The following NCOR2 variants were observed in gnomAD, a reference collection of about 807,000 sequenced individuals.
The protein encoded by NCOR2 is CTG repeat protein 26.
NCOR2 carries 81 observed loss-of-function variants against 262.9 expected under a neutral mutation model. The observed-to-expected ratio is 0.31, with a 90% confidence interval of 0.26 to 0.37. NCOR2 has a LOEUF of 0.37. NCOR2 is among the 10% of genes least tolerant of loss of function. NCOR2 has a pLI of 1.00. For missense variants in NCOR2, 3,385 were observed against 3,621.4 expected, an observed-to-expected ratio of 0.93 and a Z score of 1.68; for synonymous variants, 1,659 against 1,559.3, an observed-to-expected ratio of 1.06 and a Z score of -1.51.
At chr12:124,420,833 C>T (rs1398497628) in intron 12 of NCOR2, among the ~76,000 whole-genome samples, 2 of 152,234 alleles carry the variant, frequency 1.3e-5, no homozygotes, top group African/African-American at 4.8e-5. Context: ...ACCCCACCTC[C>T]AATGGGCATT....
At chr12:124,419,014 A>C (rs138358495) in intron 13 of NCOR2, among the ~76,000 whole-genome samples, 1,943 of 152,116 alleles carry the variant, frequency 0.013, 46 homozygotes, top group African/African-American at 0.044. Context: ...AGCAGCTGCC[A>C]GAGTGCCCAC....
intron 7 of NCOR2, among the ~76,000 whole-genome samples, chr12:124,447,828 C>G (rs1399689681): frequency 6.6e-6 from 1 of 152,018 alleles, no homozygotes; most frequent in Non-Finnish European, 1.5e-5. Flanking sequence ...TCCTGAGTAC[C>G]TGGGACCACA....
At chr12:124,462,661 C>T (rs967295209) in intron 5 of NCOR2, among the ~76,000 whole-genome samples, 2 of 152,210 alleles carry the variant, frequency 1.3e-5, no homozygotes, top group Admixed American at 6.5e-5. Context: ...GGCCACAGGA[C>T]GGGGTCTGAA....
intron 24 of NCOR2, chr12:124,355,160 C>T (rs1238372432): frequency 4.9e-6 from 3 of 612,892 alleles, no homozygotes; most frequent in South Asian, 4.0e-5. Flanking sequence ...CCTTCCATTT[C>T]GCAGTGGGGG....
chr12:124,355,170 GA>G (rs1168673324), intron 24 of NCOR2: 6 of 613,130 alleles, frequency 9.8e-6, no homozygotes. Flanking sequence ...CGCAGTGGGG[GA>G]AACAGGAGGT....
chr12:124,345,243 T>C (rs2036819261), intron 31 of NCOR2, among the ~76,000 whole-genome samples: 1 of 152,178 alleles, frequency 6.6e-6, no homozygotes, highest in East Asian at 1.9e-4. Flanking sequence ...GGCTCTCTGA[T>C]GGTCCCTGGA....
intron 8 of NCOR2, 22 bp downstream of exon 10, chr12:124,437,908 G>A (rs779490351): frequency 1.9e-6 from 3 of 1,605,642 alleles, no homozygotes; most frequent in South Asian, 2.2e-5. Flanking sequence ...GAAAGCTGAT[G>A]GGGGCCACGG....
intron 21 of NCOR2, 130 bp from the exon 24 acceptor site, chr12:124,362,427 G>T: frequency 1.2e-6 from 1 of 824,482 alleles, no homozygotes; most frequent in Non-Finnish European, 1.8e-6. Flanking sequence ...AAGGTCCCAG[G>T]TGCGGCAAGA....
At chr12:124,326,083 G>T in intron 46 of NCOR2, 108 bp downstream of exon 48, 2 of 1,253,258 alleles carry the variant, frequency 1.6e-6, no homozygotes, top group Non-Finnish European at 2.1e-6. Flanking sequence ...ACAGGCCCGA[G>T]TCTGAGCTCT....
At chr12:124,329,824 A>G (rs915177118) in intron 44 of NCOR2, among the ~76,000 whole-genome samples, 2 of 152,210 alleles carry the variant, frequency 1.3e-5, no homozygotes, top group East Asian at 3.8e-4. Flanking sequence ...ACACACAGAT[A>G]CACCTGTGTG....
chr12:124,444,656 G>A (rs2045032334), intron 7 of NCOR2, among the ~76,000 whole-genome samples: 1 of 152,120 alleles, frequency 6.6e-6, no homozygotes, highest in South Asian at 2.1e-4. Flanking sequence ...GGGGTGCTCA[G>A]GGAGAGCCTG....
At chr12:124,434,373 G>A (rs900968411) in intron 8 of NCOR2, among the ~76,000 whole-genome samples, 4 of 152,096 alleles carry the variant, frequency 2.6e-5, no homozygotes, top group African/African-American at 9.7e-5. Flanking sequence ...AGCTTCAGGG[G>A]GTGTTGAATT....
intron 1 of NCOR2, among the ~76,000 whole-genome samples, chr12:124,545,349 C>T (rs2051507018): frequency 6.6e-6 from 1 of 152,176 alleles, no homozygotes; most frequent in South Asian, 2.1e-4. Context: ...AACAGAAGCA[C>T]CCAGAGACAA....
chr12:124,500,351 T>C (rs1254165285), intron 1 of NCOR2, among the ~76,000 whole-genome samples: 6 of 151,950 alleles, frequency 3.9e-5, no homozygotes, highest in Non-Finnish European at 5.9e-5. Context: ...TGCCAGGAGG[T>C]AGCAAACACA....
chr12:124,388,064 G>C (rs1178727261), intron 16 of NCOR2, among the ~76,000 whole-genome samples: 1 of 151,836 alleles, frequency 6.6e-6, no homozygotes, highest in Admixed American at 6.5e-5. Context: ...AGTGGGTTGA[G>C]GGCAGAGGAG....
intron 28 of NCOR2, among the ~76,000 whole-genome samples, chr12:124,350,261 A>G (rs1172322734): frequency 6.6e-6 from 1 of 152,022 alleles, no homozygotes; most frequent in African/African-American, 2.4e-5. Flanking sequence ...GGCCAATGAG[A>G]GAGTGCGTGG....
chr12:124,520,810 T>A (rs1227939318), intron 1 of NCOR2, among the ~76,000 whole-genome samples: 1 of 152,040 alleles, frequency 6.6e-6, no homozygotes, highest in Admixed American at 6.5e-5. Context: ...CGAAAAAGCA[T>A]CCCCTGGCCA....
intron 5 of NCOR2, among the ~76,000 whole-genome samples, chr12:124,459,351 G>T (rs1175683248): frequency 6.6e-6 from 1 of 152,034 alleles, no homozygotes; most frequent in Non-Finnish European, 1.5e-5. Flanking sequence ...TGTCTCTCTG[G>T]GGTGTTTCCT....
upstream of NCOR2, among the ~76,000 whole-genome samples, chr12:124,499,330 A>G (rs144523356): frequency 0.01 from 1,571 of 152,316 alleles, 31 homozygotes; most frequent in African/African-American, 0.036. Context: ...GGTGGGCGGC[A>G]TTCATTTATT....
Sources: gnomAD v4.1 joint callset for allele counts (sites outside exome capture counted in the v4.1 genomes callset) on GRCh38, gnomAD v4.1.1 for gene constraint, MANE v1.5 for transcripts, NCBI Gene and HGNC (gene_info 2026-07-23, HGNC 2026-07-21) for gene names.